Variants in XKR4 observed in about 807,000 individuals in gnomAD.
XKR4 encodes XK related 4.
A neutral mutation model predicts 53.9 loss-of-function variants in XKR4; 12 were observed. The observed-to-expected ratio is 0.22, with a 90% CI of 0.14 to 0.36. The LOEUF is 0.36. Ranked by LOEUF, XKR4 falls within the 10% of genes least tolerant of loss-of-function variation. The pLI, the probability that XKR4 is intolerant of heterozygous loss-of-function variation, is 1.00. For synonymous variants in XKR4, 354 were observed against 362.4 expected (o/e 0.98, Z 0.26); for missense variants, 799 against 859.5 (o/e 0.93, Z 0.88).
In XKR4 at chr8:55,536,708, A is replaced by C. The variant is rs927285355; in HGVS notation, c.*12481A>C. On this transcript the variant is annotated 3_prime_UTR_variant, in exon 3 of 3. Coordinates refer to ENST00000327381, the MANE Select transcript of XKR4 (RefSeq NM_052898.2). ...TGTGCCAAGAGAAATAATGCAGAAC[A>C]AATGTTATTTAATTTTTATTTACTT... 7 of 152,260 alleles carry C rather than the reference A, an allele frequency of 4.6e-5. No homozygotes were observed. The highest frequency in any genetic ancestry group is 1.7e-4 in the African/African-American group (7 of 41,476). The allele number at this position is 152,260 out of a possible 1,614,324, so 9.4% of individuals were successfully genotyped here.
intron 2 of XKR4, among the ~76,000 whole-genome samples, chr8:55,407,567 CA>C (rs1804703545): frequency 6.6e-6 from 1 of 152,206 alleles, no homozygotes; most frequent in South Asian, 2.1e-4. Context: ...GCCCTCGGGT[CA>C]GATGCCCCGG....
intron 2 of XKR4, among the ~76,000 whole-genome samples, chr8:55,456,760 A>C (rs893001727): frequency 1.1e-4 from 17 of 152,232 alleles, no homozygotes. Flanking sequence ...TTTTTGAATA[A>C]ACATAGCATC....
intron 2 of XKR4, among the ~76,000 whole-genome samples, chr8:55,482,493 A>G (rs562791671): frequency 3.3e-5 from 5 of 152,136 alleles, no homozygotes; most frequent in Non-Finnish European, 7.3e-5. Context: ...ACATGTATAC[A>G]TATGTAACAA....
At chr8:55,404,272 T>C (rs1379846575) in intron 2 of XKR4, among the ~76,000 whole-genome samples, 3 of 144,378 alleles carry the variant, frequency 2.1e-5, no homozygotes, top group South Asian at 2.2e-4. Context: ...AGATGACAGA[T>C]AGATAGGTAG....
intron 2 of XKR4, among the ~76,000 whole-genome samples, chr8:55,408,732 G>T (rs1306943141): frequency 6.6e-6 from 1 of 152,202 alleles, no homozygotes; most frequent in African/African-American, 2.4e-5. Flanking sequence ...CCACAAGCCG[G>T]GTGCGGTGGT....
At chr8:55,336,498 T>G (rs553653701) in intron 1 of XKR4, among the ~76,000 whole-genome samples, 1 of 152,328 alleles carries the variant, frequency 6.6e-6, no homozygotes, top group Non-Finnish European at 1.5e-5. Flanking sequence ...ATTGTTCCAA[T>G]GTCAATGTCA....
chr8:55,328,069 C>T (rs535504007), intron 1 of XKR4, among the ~76,000 whole-genome samples: 1 of 152,162 alleles, frequency 6.6e-6, no homozygotes, highest in East Asian at 1.9e-4. Context: ...AGGGGAAATG[C>T]CAGATGCTTA....
intron 2 of XKR4, among the ~76,000 whole-genome samples, chr8:55,430,999 G>A (rs1240726465): frequency 6.6e-6 from 1 of 152,146 alleles, no homozygotes; most frequent in African/African-American, 2.4e-5. Context: ...CCATGGGCAG[G>A]GAGGCGAACT....
intron 1 of XKR4, among the ~76,000 whole-genome samples, chr8:55,228,889 A>G (rs554407765): frequency 7.2e-5 from 11 of 151,826 alleles, no homozygotes; most frequent in Non-Finnish European, 1.6e-4. Context: ...TTCTATTTCT[A>G]TCTCTAAAAT....
chr8:55,442,343 A>G (rs1040627173), intron 2 of XKR4, among the ~76,000 whole-genome samples: 2 of 152,216 alleles, frequency 1.3e-5, no homozygotes, highest in African/African-American at 4.8e-5. Context: ...AGTGTTGAGA[A>G]GGATGTGAAC....
intron 2 of XKR4, chr8:55,450,416 TCCTCTTGCTCATCC>T: frequency 1.7e-6 from 1 of 573,996 alleles, no homozygotes; most frequent in Non-Finnish European, 3.2e-6. Flanking sequence ...AACATGGCTG[TCCTCTTGCTCATCC>T]GGTCCACACA....
At chr8:55,374,253 T>C (rs749212301) in intron 2 of XKR4, among the ~76,000 whole-genome samples, 4 of 152,248 alleles carry the variant, frequency 2.6e-5, no homozygotes, top group Non-Finnish European at 5.9e-5. Flanking sequence ...TGGCAGGCGC[T>C]GACTTGAATA....
At chr8:55,180,235 G>A (rs1817289086) in intron 1 of XKR4, among the ~76,000 whole-genome samples, 2 of 152,172 alleles carry the variant, frequency 1.3e-5, no homozygotes, top group Non-Finnish European at 2.9e-5. Context: ...ATCAGTCAGG[G>A]ATTATCTGTA....
intron 1 of XKR4, among the ~76,000 whole-genome samples, chr8:55,112,867 C>A (rs1816252617): frequency 6.6e-6 from 1 of 151,886 alleles, no homozygotes. Context: ...AGAAGACTGT[C>A]CCAAACAGTT....
intron 2 of XKR4, 57 bp downstream of exon 2, chr8:55,357,934 T>C: frequency 1.3e-6 from 2 of 1,542,236 alleles, no homozygotes; most frequent in Non-Finnish European, 1.8e-6. Flanking sequence ...GCTACTTTTG[T>C]CACAATCCGA....
intron 1 of XKR4, among the ~76,000 whole-genome samples, chr8:55,322,515 T>C (rs1283156914): frequency 6.6e-6 from 1 of 152,228 alleles, no homozygotes; most frequent in Non-Finnish European, 1.5e-5. Context: ...TGTGAAACCA[T>C]AAGGCAGAAG....
chr8:55,142,362 G>T, intron 1 of XKR4: 1 of 350,712 alleles, frequency 2.9e-6, no homozygotes, highest in South Asian at 2.2e-5. Context: ...CCTGATTAAC[G>T]GTCTGTCCTG....
In XKR4 at chr8:55,160,563, C is replaced by T. The variant is rs550062031; in HGVS notation, c.806+57269C>T. 3.3e-4 allele frequency among the ~76,000 whole-genome samples: 51 copies of T among 152,278 alleles called. No homozygotes were observed. The South Asian group carries it at 9.3e-3, about 28-fold the overall frequency. On this transcript the variant is annotated intron_variant, in intron 1 of 2. Transcript: ENST00000327381. The stretch of plus-strand genomic sequence containing the variant: ...GAGTAGGCAGGGTGTTATAATTTCA[C>T]GAAACACAGTTCCTGGCAGAGCCTT...
chr8:55,458,081 T>A (rs946888905), intron 2 of XKR4, among the ~76,000 whole-genome samples: 4 of 152,118 alleles, frequency 2.6e-5, no homozygotes, highest in Admixed American at 2.0e-4. Flanking sequence ...TGAAACTCAA[T>A]CCATACGAAA....
Sources: allele counts gnomAD v4.1 joint callset (sites outside exome capture counted in the v4.1 genomes callset), GRCh38; gene constraint gnomAD v4.1.1; transcripts MANE v1.5; gene names NCBI Gene and HGNC (gene_info 2026-07-23, HGNC 2026-07-21).